The following CSMD1 variants were observed in gnomAD, a reference collection of about 807,000 sequenced individuals.
CSMD1 encodes the protein CUB and sushi domain-containing protein 1.
A neutral mutation model predicts 417.5 loss-of-function variants in CSMD1; 213 were observed. The ratio of observed to expected loss-of-function variants is 0.51; its 90% CI spans 0.46 to 0.57. The LOEUF (loss-of-function observed/expected upper bound fraction) is 0.57. Among genes scored for constraint, CSMD1 ranks in the 20% least tolerant of loss-of-function variants. The probability of loss-of-function intolerance (pLI) is 0.00; values close to 1 mark genes in which losing one functional copy is unlikely to be tolerated. For missense variants in CSMD1, 6,923 were observed against 4,529.7 expected, an observed-to-expected ratio of 1.53 and a Z score of -15.17; for synonymous variants, 2,862 against 1,736.8, an observed-to-expected ratio of 1.65 and a Z score of -16.11.
chr8:3,999,478 C>G (rs1275500797), intron 4 of CSMD1, among the ~76,000 whole-genome samples: 1 of 152,134 alleles, frequency 6.6e-6, no homozygotes, highest in Non-Finnish European at 1.5e-5. Context: ...GGATCTAAGC[C>G]TCACAAAAAC....
chr8:4,486,222 T>TAC (rs1339634502), intron 2 of CSMD1, among the ~76,000 whole-genome samples: 2 of 15,680 alleles, frequency 1.3e-4, no homozygotes, highest in African/African-American at 2.4e-4. Context: ...TATATATATA[T>TAC]ATACATACAT....
intron 12 of CSMD1, among the ~76,000 whole-genome samples, chr8:3,432,453 G>T (rs1317350826): frequency 6.7e-6 from 1 of 149,018 alleles, no homozygotes; most frequent in Non-Finnish European, 1.5e-5. Context: ...ATAATTTTTA[G>T]AAAAGTTGTT....
chr8:3,531,872 G>A (rs892818148), intron 10 of CSMD1, among the ~76,000 whole-genome samples: 1 of 152,090 alleles, frequency 6.6e-6, no homozygotes, highest in African/African-American at 2.4e-5. Context: ...TCCACCATGG[G>A]GCCCCACCTC....
At chr8:3,295,781 G>T (rs1424478965) in intron 25 of CSMD1, among the ~76,000 whole-genome samples, 1 of 152,160 alleles carries the variant, frequency 6.6e-6, no homozygotes, top group Non-Finnish European at 1.5e-5. Flanking sequence ...TTTGATGGTT[G>T]TGGAATGGTG....
chr8:3,108,494 C>T (rs1816293083), intron 44 of CSMD1, 109 bp downstream of exon 44: 3 of 1,144,886 alleles, frequency 2.6e-6, no homozygotes, highest in Non-Finnish European at 2.5e-6. Context: ...ATCATACACG[C>T]CCTCGGCTGA....
At chr8:4,400,500 G>C (rs1198629489) in intron 3 of CSMD1, among the ~76,000 whole-genome samples, 3 of 152,182 alleles carry the variant, frequency 2.0e-5, no homozygotes, top group Admixed American at 6.5e-5. Flanking sequence ...AACATCACGA[G>C]TTCTAAAAAA....
chr8:3,589,886 A>C (rs1047705186), intron 8 of CSMD1, among the ~76,000 whole-genome samples: 1 of 152,164 alleles, frequency 6.6e-6, no homozygotes, highest in Non-Finnish European at 1.5e-5. Flanking sequence ...CAATTTTAGA[A>C]AAGAAAATAT....
At chr8:4,408,657 T>G (rs1796473275) in intron 3 of CSMD1, among the ~76,000 whole-genome samples, 1 of 152,154 alleles carries the variant, frequency 6.6e-6, no homozygotes, top group South Asian at 2.1e-4. Context: ...GTTGATCAAT[T>G]AAATCAATAG....
chr8:4,070,608 C>T (rs904708138), intron 3 of CSMD1, among the ~76,000 whole-genome samples: 7 of 152,130 alleles, frequency 4.6e-5, no homozygotes, highest in South Asian at 2.1e-4. Context: ...CCACCCACCT[C>T]GGCCTCCCAA....
intron 3 of CSMD1, among the ~76,000 whole-genome samples, chr8:4,057,573 A>T (rs1014339853): frequency 9.9e-5 from 15 of 152,010 alleles, no homozygotes; most frequent in African/African-American, 3.6e-4. Flanking sequence ...TTTTGTTGCC[A>T]TTGCTTTTGG....
intron 5 of CSMD1, among the ~76,000 whole-genome samples, chr8:3,865,996 T>C (rs1459682841): frequency 1.3e-5 from 2 of 152,196 alleles, no homozygotes; most frequent in Non-Finnish European, 2.9e-5. Flanking sequence ...CCATCATCTG[T>C]AGTCATGTTA....
chr8:3,055,285 T>A (rs895777944), intron 49 of CSMD1, among the ~76,000 whole-genome samples: 1 of 152,220 alleles, frequency 6.6e-6, no homozygotes, highest in Non-Finnish European at 1.5e-5. Flanking sequence ...TGCCCAGGTC[T>A]TAAGACAACC....
intron 26 of CSMD1, among the ~76,000 whole-genome samples, chr8:3,256,500 T>A (rs1166983011): frequency 2.0e-5 from 3 of 152,204 alleles, no homozygotes; most frequent in Admixed American, 1.3e-4. Context: ...TCTATAGATA[T>A]ATAAAAGACA....
At chr8:4,825,966 A>T (rs968805708) in intron 1 of CSMD1, among the ~76,000 whole-genome samples, 2 of 151,668 alleles carry the variant, frequency 1.3e-5, no homozygotes, top group South Asian at 4.2e-4. Context: ...AGGATGACTA[A>T]TTTTTTTTTA....
intron 26 of CSMD1, among the ~76,000 whole-genome samples, chr8:3,241,911 G>C (rs545513519): frequency 6.6e-6 from 1 of 151,378 alleles, no homozygotes; most frequent in African/African-American, 2.4e-5. Context: ...TTAATTTTTG[G>C]AGTTTTATTT....
chr8:3,558,583 G>T (rs34824905), intron 10 of CSMD1, among the ~76,000 whole-genome samples: 1 of 100,166 alleles, frequency 1.0e-5, no homozygotes. Flanking sequence ...AATGATGAAT[G>T]GTGTCTCAAT....
intron 68 of CSMD1, among the ~76,000 whole-genome samples, chr8:2,948,152 G>A (rs908650699): frequency 1.3e-5 from 2 of 151,970 alleles, no homozygotes; most frequent in Non-Finnish European, 2.9e-5. Flanking sequence ...TGGTGCCAAG[G>A]TTGTTACAAA....
intron 49 of CSMD1, among the ~76,000 whole-genome samples, chr8:3,078,421 C>A (rs987839736): frequency 6.6e-6 from 1 of 152,180 alleles, no homozygotes; most frequent in Non-Finnish European, 1.5e-5. Flanking sequence ...CATGGTAGAG[C>A]AAAATTACAT....
chr8:4,176,657 C>G (rs1014059934), intron 3 of CSMD1, among the ~76,000 whole-genome samples: 3 of 151,336 alleles, frequency 2.0e-5, no homozygotes, highest in Non-Finnish European at 4.4e-5. Context: ...GAGTCAAGAC[C>G]CATCAGTGTG....
Sources: gnomAD v4.1 joint callset for allele counts (sites outside exome capture counted in the v4.1 genomes callset) on GRCh38, gnomAD v4.1.1 for gene constraint, MANE v1.5 for transcripts, NCBI Gene and HGNC (gene_info 2026-07-23, HGNC 2026-07-21) for gene names.